Variants in ZNF678 observed in about 807,000 individuals in gnomAD.
ZNF678 encodes the protein hypothetical protein MGC42493.
In ZNF678, 5 loss-of-function variants were observed where a neutral mutation model predicts 3.0. The observed-to-expected ratio is 1.69, with a 90% CI of 0.88 to 3.56. The LOEUF (loss-of-function observed/expected upper bound fraction) is 3.56, where lower values mean the gene tolerates loss of function less well. ZNF678 is among the 30% of genes most tolerant of loss of function. The probability of loss-of-function intolerance (pLI) is 0.00; values close to 1 mark genes in which losing one functional copy is unlikely to be tolerated. For synonymous variants in ZNF678, 218 were observed against 199.6 expected (o/e 1.09, Z -0.78); for missense variants, 593 against 605.0 (o/e 0.98, Z 0.21).
intron 1 of ZNF678, among the ~76,000 whole-genome samples, chr1:227,636,238 C>G (rs1658676380): frequency 6.6e-6 from 1 of 152,148 alleles, no homozygotes; most frequent in African/African-American, 2.4e-5. Flanking sequence ...TCGGTCCCAT[C>G]CCTTCCAGGT....
chr1:227,590,984 G>T (rs182590839), intron 1 of ZNF678, among the ~76,000 whole-genome samples: 2 of 151,816 alleles, frequency 1.3e-5, no homozygotes, highest in African/African-American at 2.4e-5. Context: ...GGGTCTGTAG[G>T]TACTAATTCT....
At position 227,592,039 on chromosome 1, in the gene ZNF678, C is replaced by A. The variant is rs373545079; in HGVS notation, c.-164+28315C>A. ...CAAAGCTGCTCCCATCCACGTACAG[C>A]TCCCAGTCTACTGGATGTTTAAGGA... On this transcript the variant is annotated intron_variant, in intron 1 of 3. Coordinates refer to ENST00000343776, the MANE Select transcript of ZNF678 (RefSeq NM_001367909.1). Among the ~76,000 whole-genome samples the A allele has an allele frequency of 7.4e-4, 113 of 152,322 alleles. 3 individuals are homozygous for A. In the South Asian group the frequency reaches 0.023, roughly 31 times the overall value.
At chr1:227,593,782 G>A (rs1657482551) in intron 1 of ZNF678, among the ~76,000 whole-genome samples, 3 of 151,922 alleles carry the variant, frequency 2.0e-5, no homozygotes, top group African/African-American at 7.3e-5. Flanking sequence ...GCTTTGGTAG[G>A]GTTTTCCCCT....
intron 1 of ZNF678, among the ~76,000 whole-genome samples, chr1:227,564,934 C>T (rs1200571366): frequency 1.3e-5 from 2 of 151,924 alleles, no homozygotes; most frequent in Non-Finnish European, 2.9e-5. Flanking sequence ...TTTAGTTTCA[C>T]CATGTTGGTC....
chr1:227,673,063 C>T (rs1483770499), intron 5 of ZNF678, among the ~76,000 whole-genome samples: 1 of 152,138 alleles, frequency 6.6e-6, no homozygotes, highest in Non-Finnish European at 1.5e-5. Flanking sequence ...GGACCCTGGC[C>T]CTCTCTCCAC....
intron 1 of ZNF678, among the ~76,000 whole-genome samples, chr1:227,616,201 CACCAAAGGAGAGATAGG>C (rs1179943937): frequency 6.6e-6 from 1 of 152,192 alleles, no homozygotes; most frequent in African/African-American, 2.4e-5. Context: ...CCTTTACCTT[CACCAAAGGAGAGATAGG>C]ACCCTTTGGG....
chr1:227,674,565 AAATC>A (rs1241844767), intron 5 of ZNF678, among the ~76,000 whole-genome samples: 2 of 152,042 alleles, frequency 1.3e-5, no homozygotes, highest in Non-Finnish European at 2.9e-5. Context: ...TTTGGAAAAA[AAATC>A]ATAGTGATAT....
At chr1:227,641,137 T>C (rs1170015516) in intron 1 of ZNF678, among the ~76,000 whole-genome samples, 1 of 152,184 alleles carries the variant, frequency 6.6e-6, no homozygotes, top group Non-Finnish European at 1.5e-5. Flanking sequence ...CTGAGGAGTT[T>C]CCTTTGTCTG....
At chr1:227,601,318 C>T (rs1029735621) in intron 1 of ZNF678, among the ~76,000 whole-genome samples, 10 of 152,172 alleles carry the variant, frequency 6.6e-5, no homozygotes, top group South Asian at 2.1e-4. Context: ...TAAATTGCTT[C>T]GGGCAGTATG....
chr1:227,594,970 T>G (rs1285679323), intron 1 of ZNF678, among the ~76,000 whole-genome samples: 1 of 152,210 alleles, frequency 6.6e-6, no homozygotes, highest in Non-Finnish European at 1.5e-5. Flanking sequence ...TCGAATGCAT[T>G]TGGGCCATCT....
At chr1:227,581,910 G>C (rs1158074850) in intron 1 of ZNF678, among the ~76,000 whole-genome samples, 1 of 152,104 alleles carries the variant, frequency 6.6e-6, no homozygotes, top group African/African-American at 2.4e-5. Context: ...GTACACCTTG[G>C]CAAACATTTC....
chr1:227,587,733 T>C (rs1213629447), intron 1 of ZNF678, among the ~76,000 whole-genome samples: 2 of 152,086 alleles, frequency 1.3e-5, no homozygotes, highest in African/African-American at 4.8e-5. Flanking sequence ...TGGGTAAAAT[T>C]TGGAGCTTCT....
Position 227,655,763 on chromosome 1 carries a change from A to G in ZNF678, c.1513A>G (p.Ser505Gly). Residue 505 changes from serine to glycine, a missense_variant, in exon 4 of 4, where the codon AGT becomes GGT. By Grantham distance (56) the Ser-to-Gly change is moderately conservative (BLOSUM62 0). Transcript: ENST00000343776. ...GKGFYQSSIHSKYKRIYTGEE... is the reference protein window; with the variant it reads ...GKGFYQSSIHGKYKRIYTGEE... ...AGGTTTTTACCAATCCTCAATCCATAGTAAGTATAAGAGAATTTATACTGG... is the reference window on the plus strand; with the variant it reads ...AGGTTTTTACCAATCCTCAATCCATGGTAAGTATAAGAGAATTTATACTGG... The G allele has an allele frequency of 6.2e-7, 1 of 1,609,462 alleles. No individual in the cohort carries two copies. Among genetic ancestry groups the G allele is most frequent in the Non-Finnish European group, 8.5e-7 (1 of 1,178,048 alleles).
rs753386924 is a variant in ZNF678, at chr1:227,655,475, G to A, written c.1225G>A (p.Glu409Lys). The A allele has an allele frequency of 3.1e-6, 5 of 1,612,398 alleles. No individual in the cohort carries two copies. In the East Asian group the frequency reaches 1.1e-4, roughly 36 times the overall value. The change falls in exon 4 of 4, where the codon GAA (glutamate) becomes AAA (lysine). Residue 409 changes from glutamate to lysine, a missense_variant. Physicochemically the swap from Glu to Lys is moderately conservative, Grantham distance 56. Coordinates refer to ENST00000343776, the MANE Select transcript of ZNF678 (RefSeq NM_001367909.1). ...HTGVKPYKCEECGKVFKQCSH... is the reference protein window; with the variant it reads ...HTGVKPYKCEKCGKVFKQCSH... ...TGGAGTGAAACCCTACAAATGTGAA[G>A]AATGTGGGAAAGTTTTTAAACAGTG...
In ZNF678 at chr1:227,655,296, A is replaced by G. The variant is rs748663405; in HGVS notation, c.1046A>G (p.Tyr349Cys). The G allele has an allele frequency of 1.2e-6, 2 of 1,611,278 alleles. No homozygotes were observed. The highest frequency in any genetic ancestry group is 8.5e-7 in the Non-Finnish European group (1 of 1,178,318). The change falls in exon 4 of 4, where the codon TAC becomes TGC. Residue 349 changes from tyrosine to cysteine, a missense_variant. By Grantham distance (194) the Tyr-to-Cys change is radical. Coordinates refer to ENST00000343776, the MANE Select transcript of ZNF678 (RefSeq NM_001367909.1). ...AGAATTCATACTGGAGAGAAACCCT[A>G]CAAATGTGAAGAATGTGGCAGAACC... ...HKRIHTGEKPYKCEECGRTFT... is the reference protein window; with the variant it reads ...HKRIHTGEKPCKCEECGRTFT...
At chr1:227,679,360 G>A (rs895205960), downstream of ZNF678, among the ~76,000 whole-genome samples, 3 of 152,118 alleles carry the variant, frequency 2.0e-5, no homozygotes, top group African/African-American at 7.2e-5. Context: ...ACAGCCCAGC[G>A]CTGTGCCCTG....
At chr1:227,632,153 CAA>C (rs1658562602) in intron 1 of ZNF678, among the ~76,000 whole-genome samples, 1 of 152,160 alleles carries the variant, frequency 6.6e-6, no homozygotes, top group Non-Finnish European at 1.5e-5. Context: ...CTGCCTATGT[CAA>C]GAGCTGTGTA....
chr1:227,580,669 C>T (rs12041061), intron 1 of ZNF678, among the ~76,000 whole-genome samples: 25,032 of 152,100 alleles, frequency 0.16, 2,616 homozygotes, highest in Non-Finnish European at 0.23. Flanking sequence ...GTGGCTAATG[C>T]CTGTAATCTC....
Position 227,654,640 on chromosome 1 carries a change from T to C in ZNF678, c.390T>C (p.Cys130=). The change falls in exon 4 of 4, where the codon TGT becomes TGC. Residue 130 remains cysteine, a synonymous_variant. Coordinates refer to ENST00000343776, the MANE Select transcript of ZNF678 (RefSeq NM_001367909.1). ...TGEKPYKCEE[C]GKVFNRCSNL... is the part of the protein sequence containing the mutation. ...AGAAGCCATACAAATGTGAAGAATG[T>C]GGCAAAGTTTTCAATCGATGTTCAA... 1 of 1,613,350 alleles carries C rather than the reference T, an allele frequency of 6.2e-7. No homozygotes were observed. Among genetic ancestry groups the C allele is most frequent in the Non-Finnish European group, 8.5e-7 (1 of 1,179,572 alleles).
Sources: gnomAD v4.1 joint callset for allele counts (sites outside exome capture counted in the v4.1 genomes callset) on GRCh38, gnomAD v4.1.1 for gene constraint, MANE v1.5 for transcripts, NCBI Gene and HGNC (gene_info 2026-07-23, HGNC 2026-07-21) for gene names.